SEPTIN14: variants seen among roughly 807,000 people sequenced by gnomAD.
SEPTIN14 encodes septin-14.
SEPTIN14 carries 40 observed loss-of-function variants against 53.6 expected under a neutral mutation model. That is an observed-to-expected ratio of 0.75 (90% confidence interval 0.58 to 0.97). The LOEUF (loss-of-function observed/expected upper bound fraction) is 0.97. Among genes scored for constraint, SEPTIN14 ranks in the 50% least tolerant of loss-of-function variants. The pLI is 0.00. For missense variants in SEPTIN14, 471 were observed against 508.2 expected, an observed-to-expected ratio of 0.93 and a Z score of 0.70; for synonymous variants, 138 against 166.8, an observed-to-expected ratio of 0.83 and a Z score of 1.33.
intron 2 of SEPTIN14, among the ~76,000 whole-genome samples, chr7:55,852,950 T>C (rs1339140150): frequency 1.3e-5 from 2 of 152,176 alleles, no homozygotes; most frequent in Admixed American, 1.3e-4. Flanking sequence ...CTCAACATCA[T>C]TGACCATCAG....
At chr7:55,820,909 C>T (rs140116663) in intron 6 of SEPTIN14, among the ~76,000 whole-genome samples, 14 of 151,776 alleles carry the variant, frequency 9.2e-5, no homozygotes, top group Non-Finnish European at 1.8e-4. Context: ...CATTACATCT[C>T]GGTCTGAGAA....
chr7:55,808,886 C>T (rs1788649862), intron 7 of SEPTIN14, among the ~76,000 whole-genome samples: 1 of 152,076 alleles, frequency 6.6e-6, no homozygotes, highest in Admixed American at 6.6e-5. Context: ...ACAGAACTAC[C>T]ATTTGACCCA....
chr7:55,810,869 A>G, intron 7 of SEPTIN14: 1 of 319,922 alleles, frequency 3.1e-6, no homozygotes, highest in Non-Finnish European at 6.2e-6. Flanking sequence ...TCAGGCCTGG[A>G]GTTGGCTTCA....
chr7:55,821,572 T>G (rs1297239106), intron 6 of SEPTIN14, among the ~76,000 whole-genome samples: 2 of 152,182 alleles, frequency 1.3e-5, no homozygotes, highest in Non-Finnish European at 2.9e-5. Flanking sequence ...AAAGCTACAG[T>G]AATCAAAATA....
At position 55,803,234 on chromosome 7, in the gene SEPTIN14, G is replaced by A. The variant is rs149783735; in HGVS notation, c.1119+2024C>T. On this transcript the variant is annotated intron_variant, in intron 9 of 9. Coordinates refer to ENST00000388975, the MANE Select transcript of SEPTIN14 (RefSeq NM_207366.3). ...ATTATAGGCGAGAGCCACTGCACCC[G>A]GCTGAACCTGAACATTTTTTAAAAG... 2.0e-3 allele frequency among the ~76,000 whole-genome samples: 305 copies of A among 152,140 alleles called. 1 individual carries two copies. Among genetic ancestry groups the A allele is most frequent in the African/African-American group, 6.7e-3 (280 of 41,504 alleles).
In SEPTIN14 at chr7:55,830,168, ACTCTGT is replaced by A. The variant is rs1239672358; in HGVS notation, c.720+4251_720+4256del. Among the ~76,000 whole-genome samples, 959 of 136,924 alleles carry A rather than the reference ACTCTGT, an allele frequency of 7.0e-3. 19 individuals carry two copies. The highest frequency in any genetic ancestry group is 0.026 in the African/African-American group (929 of 36,270). The allele number at this position is 136,924 out of a possible 152,430, so 89.8% of individuals were successfully genotyped here. A position where few individuals can be genotyped will look rare whatever the true frequency, so the allele number is the denominator to read the frequency against. ...ACTCCAGCCTGGGCGACAGAGCGAG[ACTCTGT>A]CTCAAAAAAAAAAAAAGGACTTGCA... On this transcript the variant is annotated intron_variant, in intron 6 of 9. Coordinates refer to ENST00000388975, the MANE Select transcript of SEPTIN14 (RefSeq NM_207366.3).
At chr7:55,797,774 G>A (rs1218342465) in intron 9 of SEPTIN14, among the ~76,000 whole-genome samples, 54 of 152,188 alleles carry the variant, frequency 3.5e-4, no homozygotes, top group Non-Finnish European at 1.0e-4. Context: ...GTCAAGACCA[G>A]CCTGGCCAAC....
At chr7:55,825,974 C>A (rs973231682) in intron 6 of SEPTIN14, among the ~76,000 whole-genome samples, 2 of 152,030 alleles carry the variant, frequency 1.3e-5, no homozygotes. Context: ...TGGTGGCAGG[C>A]GCCTGTAGTC....
intron 5 of SEPTIN14, among the ~76,000 whole-genome samples, chr7:55,842,679 A>T (rs997553154): frequency 1.3e-5 from 2 of 151,872 alleles, no homozygotes; most frequent in Non-Finnish European, 2.9e-5. Context: ...CTGGGAGGCC[A>T]AGGCGGGAGG....
At chr7:55,834,697 C>CA (rs2116032282) in intron 5 of SEPTIN14, 111 bp from the exon 6 acceptor site, 1 of 773,130 alleles carries the variant, frequency 1.3e-6, no homozygotes, top group Non-Finnish European at 2.0e-6. Flanking sequence ...GGCTGGAGTG[C>CA]AGGGGCACGA....
Position 55,796,008 on chromosome 7 carries a change from C to T in SEPTIN14, c.1204G>A (p.Glu402Lys). The change falls in exon 10 of 10, where the codon GAA (glutamate) becomes AAA (lysine). Residue 402 changes from glutamate (E) to lysine (K), a missense_variant. Physicochemically the swap from Glu to Lys is moderately conservative, Grantham distance 56. Transcript: ENST00000388975. ...TTCATTTTATAAAAATCTATGATTT[C>T]TCCTTCCAGTTGTTTTTTCTCTTCC... ...LEEEKKQLEG[E>K]IIDFYKMKAA... is the part of the protein sequence containing the mutation. 2 of 1,564,496 alleles carry T rather than the reference C, an allele frequency of 1.3e-6. No individual in the cohort carries two copies. The highest frequency in any genetic ancestry group is 1.7e-6 in the Non-Finnish European group (2 of 1,150,926).
At chr7:55,818,732 G>A (rs2115992489) in intron 7 of SEPTIN14, among the ~76,000 whole-genome samples, 1 of 152,128 alleles carries the variant, frequency 6.6e-6, no homozygotes, top group East Asian at 1.9e-4. Flanking sequence ...TTCTACATTA[G>A]GTAGTAATGA....
chr7:55,857,613 G>T (rs1490323951), intron 2 of SEPTIN14, among the ~76,000 whole-genome samples: 2 of 98,422 alleles, frequency 2.0e-5, no homozygotes, highest in Non-Finnish European at 3.8e-5. Context: ...TTTTTGAGAC[G>T]GAGTCTCGCT....
intron 2 of SEPTIN14, among the ~76,000 whole-genome samples, chr7:55,848,288 A>C (rs554061075): frequency 6.6e-6 from 1 of 152,268 alleles, no homozygotes; most frequent in Non-Finnish European, 1.5e-5. Flanking sequence ...CGGCCTCTAG[A>C]AAAGCTGGGA....
At chr7:55,857,410 A>AGAG (rs1460523255) in intron 2 of SEPTIN14, among the ~76,000 whole-genome samples, 2 of 142,640 alleles carry the variant, frequency 1.4e-5, no homozygotes, top group African/African-American at 5.2e-5. Flanking sequence ...AGAGAAGAGA[A>AGAG]GAGAAAGAAG....
At chr7:55,817,023 T>A (rs1013620745) in intron 7 of SEPTIN14, among the ~76,000 whole-genome samples, 1 of 152,172 alleles carries the variant, frequency 6.6e-6, no homozygotes, top group Admixed American at 6.6e-5. Flanking sequence ...CACTACTGGA[T>A]ACATTACCTC....
chr7:55,829,354 G>A (rs1466460213), intron 6 of SEPTIN14, among the ~76,000 whole-genome samples: 2 of 149,264 alleles, frequency 1.3e-5, no homozygotes, highest in South Asian at 2.1e-4. Context: ...ACCCCAGCCT[G>A]GACAACAAAG....
chr7:55,830,575 C>A (rs1294821608), intron 6 of SEPTIN14, among the ~76,000 whole-genome samples: 7 of 150,228 alleles, frequency 4.7e-5, no homozygotes. Flanking sequence ...GATTTCCTGA[C>A]CTCATGATCC....
chr7:55,804,421 G>A (rs1470479345), intron 9 of SEPTIN14, among the ~76,000 whole-genome samples: 1 of 151,702 alleles, frequency 6.6e-6, no homozygotes, highest in African/African-American at 2.4e-5. Context: ...ACCATGCCCA[G>A]CTAATTTTTA....
Sources: gnomAD v4.1 joint callset for allele counts (sites outside exome capture counted in the v4.1 genomes callset) on GRCh38, gnomAD v4.1.1 for gene constraint, MANE v1.5 for transcripts, NCBI Gene and HGNC (gene_info 2026-07-23, HGNC 2026-07-21) for gene names.